Variants in TULP4 observed in about 807,000 individuals in gnomAD.
The protein encoded by TULP4 is TUB like protein 4.
Under a neutral mutation model 129.0 loss-of-function variants are expected in TULP4, and 16 were observed. The ratio of observed to expected loss-of-function variants is 0.12; its 90% confidence interval spans 0.08 to 0.19. TULP4 has a LOEUF of 0.19. TULP4 is among the 10% of genes least tolerant of loss of function. The pLI is 1.00. For synonymous variants in TULP4, 998 were observed against 854.0 expected (o/e 1.17, Z -2.94); for missense variants, 1,842 against 2,059.1 (o/e 0.89, Z 2.04).
chr6:158,401,088 G>T (rs1402496944), intron 1 of TULP4, among the ~76,000 whole-genome samples: 1 of 149,120 alleles, frequency 6.7e-6, no homozygotes, highest in African/African-American at 2.5e-5. Flanking sequence ...TTGTTGTTTT[G>T]TTGTTTTGAG....
chr6:158,281,766 A>T (rs540136587), upstream of TULP4, among the ~76,000 whole-genome samples: 2 of 152,274 alleles, frequency 1.3e-5, no homozygotes, highest in South Asian at 4.1e-4. Context: ...GCTTTTATTC[A>T]TGTTTGCTAT....
chr6:158,353,779 C>G (rs555989935), intron 1 of TULP4, among the ~76,000 whole-genome samples: 65 of 152,320 alleles, frequency 4.3e-4, no homozygotes, highest in African/African-American at 1.5e-3. Flanking sequence ...TCTTAAAGTC[C>G]TTGCAAGCAC....
chr6:158,237,729 A>C, intron 1 of TULP4: 1 of 905,378 alleles, frequency 1.1e-6, no homozygotes, highest in East Asian at 2.4e-5. Flanking sequence ...GACTATCTCT[A>C]GTAACTTTTC....
chr6:158,431,722 G>A (rs1013027650), intron 3 of TULP4, among the ~76,000 whole-genome samples: 7 of 152,208 alleles, frequency 4.6e-5, no homozygotes, highest in South Asian at 2.1e-4. Context: ...TGGTGTGCAC[G>A]TACCACAGGG....
intron 1 of TULP4, among the ~76,000 whole-genome samples, chr6:158,264,564 C>T (rs780696997): frequency 2.0e-5 from 3 of 152,068 alleles, no homozygotes; most frequent in Non-Finnish European, 4.4e-5. Context: ...GAATAAACAT[C>T]GATCTGGGGA....
chr6:158,326,626 C>T lies in TULP4; in HGVS notation c.252+12358C>T, dbSNP rs7769818. Reference sequence around the variant, plus strand: ...TCTGTAAATGTCTTAATTGCTTTCACACTTGATAGTTTGGCTGGGTACAGA... The same window carrying T: ...TCTGTAAATGTCTTAATTGCTTTCATACTTGATAGTTTGGCTGGGTACAGA... On this transcript the variant is annotated intron_variant, in intron 1 of 13. Coordinates refer to ENST00000367097, the MANE Select transcript of TULP4 (RefSeq NM_020245.5). 3.8e-3 allele frequency among the ~76,000 whole-genome samples: 579 copies of T among 152,274 alleles called. 4 individuals carry two copies. Among genetic ancestry groups the T allele is most frequent in the African/African-American group, 0.013 (551 of 41,554 alleles).
At chr6:158,437,493 C>T (rs566670869) in intron 3 of TULP4, among the ~76,000 whole-genome samples, 2 of 148,832 alleles carry the variant, frequency 1.3e-5, no homozygotes, top group East Asian at 2.1e-4. Flanking sequence ...CCTGGGAGGT[C>T]GAGGCTGCAG....
At chr6:158,430,000 A>G (rs1778592753) in intron 3 of TULP4, 103 bp downstream of exon 3, 1 of 1,114,628 alleles carries the variant, frequency 9.0e-7, no homozygotes, top group African/African-American at 1.6e-5. Flanking sequence ...CCTCTTTAAG[A>G]ATCACAATGG....
chr6:158,394,227 C>T (rs1777654765), intron 1 of TULP4, among the ~76,000 whole-genome samples: 1 of 152,196 alleles, frequency 6.6e-6, no homozygotes, highest in East Asian at 1.9e-4. Context: ...CCAGTAAGTT[C>T]TTCATCTCCA....
chr6:158,487,694 A>G (rs113376668), intron 8 of TULP4, among the ~76,000 whole-genome samples: 202 of 152,386 alleles, frequency 1.3e-3, no homozygotes, highest in African/African-American at 4.6e-3. Context: ...AGCTTATGTC[A>G]TGCACTGAAT....
At chr6:158,500,498 C>T (rs896315219) in intron 12 of TULP4, among the ~76,000 whole-genome samples, 1 of 152,190 alleles carries the variant, frequency 6.6e-6, no homozygotes, top group African/African-American at 2.4e-5. Flanking sequence ...AGCTGCCACA[C>T]GGTACTTACA....
intron 1 of TULP4, among the ~76,000 whole-genome samples, chr6:158,235,173 G>C (rs1777665343): frequency 6.8e-6 from 1 of 147,880 alleles, no homozygotes; most frequent in South Asian, 2.1e-4. Context: ...GCGAAACTCT[G>C]TCTCAAAGAA....
At chr6:158,362,306 G>A (rs186722494) in intron 1 of TULP4, among the ~76,000 whole-genome samples, 113 of 152,150 alleles carry the variant, frequency 7.4e-4, no homozygotes, top group Non-Finnish European at 1.1e-3. Flanking sequence ...AACAGACTGC[G>A]CTTGTTGTTT....
At chr6:158,237,914 G>T in intron 1 of TULP4, 1 of 730,308 alleles carries the variant, frequency 1.4e-6, no homozygotes, top group Non-Finnish European at 2.6e-6. Context: ...TTTGGATTTT[G>T]TTTCCATAGC....
chr6:158,401,806 C>CA (rs1476921418), intron 1 of TULP4, among the ~76,000 whole-genome samples: 2 of 151,804 alleles, frequency 1.3e-5, no homozygotes, highest in Non-Finnish European at 2.9e-5. Context: ...AACACCTCCT[C>CA]ACTTTTTTTT....
intron 3 of TULP4, among the ~76,000 whole-genome samples, chr6:158,434,779 T>G (rs574186124): frequency 6.6e-6 from 1 of 152,204 alleles, no homozygotes; most frequent in South Asian, 2.1e-4. Flanking sequence ...CTGAGTGTGG[T>G]CCTCCTAGGG....
intron 1 of TULP4, among the ~76,000 whole-genome samples, chr6:158,385,467 T>C (rs1318780708): frequency 6.6e-6 from 1 of 152,186 alleles, no homozygotes; most frequent in Non-Finnish European, 1.5e-5. Context: ...CTGCACATCC[T>C]GGCTTTCAGG....
chr6:158,371,929 C>G (rs1777078430), intron 1 of TULP4, among the ~76,000 whole-genome samples: 3 of 152,156 alleles, frequency 2.0e-5, no homozygotes. Context: ...ATCCTCCCAC[C>G]TCAGCCACCT....
At chr6:158,306,103 T>TA (rs914670387) in intron 1 of TULP4, among the ~76,000 whole-genome samples, 25 of 152,142 alleles carry the variant, frequency 1.6e-4, no homozygotes, top group African/African-American at 4.3e-4. Flanking sequence ...AAAGTGGAAT[T>TA]AAAAAAAACT....
Sources: allele counts gnomAD v4.1 joint callset (sites outside exome capture counted in the v4.1 genomes callset), GRCh38; gene constraint gnomAD v4.1.1; transcripts MANE v1.5; gene names NCBI Gene and HGNC (gene_info 2026-07-23, HGNC 2026-07-21).